The following UGT1A7 variants were observed in gnomAD, a reference collection of about 807,000 sequenced individuals.
The protein encoded by UGT1A7 is UDP glucuronosyltransferase family 1 member A7, also known as UDP-glucuronosyltransferase 1A7.
In UGT1A7, 33 loss-of-function variants were observed where a neutral mutation model predicts 45.6. The ratio of observed to expected loss-of-function variants is 0.72; its 90% CI spans 0.55 to 0.97. The LOEUF (loss-of-function observed/expected upper bound fraction) is 0.97. Among genes scored for constraint, UGT1A7 ranks in the 50% least tolerant of loss-of-function variants. UGT1A7 has a pLI of 0.00. For synonymous variants in UGT1A7, 274 were observed against 250.6 expected, an observed-to-expected ratio of 1.09 and a Z score of -0.88; for missense variants, 684 against 666.2, an observed-to-expected ratio of 1.03 and a Z score of -0.29.
chr2:233,683,825 T>C lies in UGT1A7; in HGVS notation c.855+1033T>C, dbSNP rs570191336. ...GTAGTCATATTACTAAACTCTCGTATTAGTATGTAAGGTGTATTAAGTATG... is the reference window on the plus strand; with the variant it reads ...GTAGTCATATTACTAAACTCTCGTACTAGTATGTAAGGTGTATTAAGTATG... On this transcript the variant is annotated intron_variant, in intron 1 of 4. Transcript: ENST00000373426. 5.9e-5 allele frequency among the ~76,000 whole-genome samples: 9 copies of C among 152,290 alleles called. No individual in the cohort carries two copies. In the South Asian group the frequency reaches 1.9e-3, roughly 32 times the overall value.
At chr2:233,754,500 G>A (rs945598675) in intron 1 of UGT1A7, 52 of 356,130 alleles carry the variant, frequency 1.5e-4, no homozygotes, top group Admixed American at 3.0e-4. Flanking sequence ...AAAAAAGTCC[G>A]CTATTCCTCC....
chr2:233,693,173 G>T, intron 1 of UGT1A7: 1 of 1,614,186 alleles, frequency 6.2e-7, no homozygotes, highest in Non-Finnish European at 8.5e-7. Flanking sequence ...TCATGAGATT[G>T]TAGTGGTGGT....
At chr2:233,740,151 C>T (rs534667918) in intron 1 of UGT1A7, among the ~76,000 whole-genome samples, 23 of 151,980 alleles carry the variant, frequency 1.5e-4, no homozygotes, top group South Asian at 1.2e-3. Context: ...TTCCTGAGGC[C>T]TCCCCAGTCA....
Position 233,768,459 on chromosome 2 carries a change from A to G in UGT1A7, c.1295+20A>G, listed in dbSNP as rs746261768. ...CAAAAGGTAAGAAAGAAGATACAGA[A>G]GAATACTTTGGTCATGGCATTCATG... On this transcript the variant is annotated intron_variant, in intron 4 of 4. Transcript: ENST00000373426. 1.1e-5 allele frequency: 17 copies of G among 1,609,762 alleles called. No homozygotes were observed. In the South Asian group the frequency reaches 1.9e-4, roughly 18 times the overall value.
chr2:233,718,896 G>T (rs763201473), intron 1 of UGT1A7: 1 of 1,614,046 alleles, frequency 6.2e-7, no homozygotes, highest in Non-Finnish European at 8.5e-7. Context: ...CCAGCCCTGG[G>T]CTGAGAGTGG....
intron 1 of UGT1A7, chr2:233,729,433 A>T (rs2077858164): frequency 6.2e-7 from 1 of 1,613,790 alleles, no homozygotes; most frequent in African/African-American, 1.3e-5. Flanking sequence ...GTACTTTGAA[A>T]CAGAACATTT....
chr2:233,724,364 G>A lies in UGT1A7; in HGVS notation c.855+41572G>A, dbSNP rs1172748596. Among the ~76,000 whole-genome samples the A allele has an allele frequency of 6.2e-5, 9 of 145,640 alleles. 1 individual carries two copies. Among genetic ancestry groups the A allele is most frequent in the Admixed American group, 2.7e-4 (4 of 14,670 alleles). ...GACCCCCCCCACCTCCCTCCCGGAC[G>A]GGGTGGCTGCCGGGCGGAGACGCTC... On this transcript the variant is annotated intron_variant, in intron 1 of 4. Coordinates refer to ENST00000373426, the MANE Select transcript of UGT1A7 (RefSeq NM_019077.3).
At chr2:233,683,924 T>C (rs533531080) in intron 1 of UGT1A7, among the ~76,000 whole-genome samples, 1 of 152,336 alleles carries the variant, frequency 6.6e-6, no homozygotes, top group African/African-American at 2.4e-5. Context: ...AGTTCCAAAA[T>C]ATTATTAATA....
intron 1 of UGT1A7, among the ~76,000 whole-genome samples, chr2:233,736,416 C>T (rs933216996): frequency 3.3e-5 from 5 of 152,094 alleles, no homozygotes; most frequent in Non-Finnish European, 4.4e-5. Context: ...TTCATCTAAC[C>T]TTTTTTCAAG....
intron 1 of UGT1A7, among the ~76,000 whole-genome samples, chr2:233,687,779 G>A (rs2074862793): frequency 6.6e-6 from 1 of 151,972 alleles, no homozygotes; most frequent in Admixed American, 6.6e-5. Context: ...GGTGGCATAT[G>A]CCTGTGGTCC....
intron 1 of UGT1A7, among the ~76,000 whole-genome samples, chr2:233,764,774 A>C (rs1698642300): frequency 6.6e-6 from 1 of 152,202 alleles, no homozygotes; most frequent in African/African-American, 2.4e-5. Context: ...GAAGGAGTTC[A>C]GAAAAACCAT....
At chr2:233,747,810 A>G (rs1693783178) in intron 1 of UGT1A7, 1 of 1,613,368 alleles carries the variant, frequency 6.2e-7, no homozygotes, top group South Asian at 1.1e-5. Flanking sequence ...GTTACTAACG[A>G]CCAATTCAGA....
chr2:233,693,627 G>A lies in UGT1A7; in HGVS notation c.855+10835G>A, dbSNP rs1434633397. On this transcript the variant is annotated intron_variant, in intron 1 of 4. Transcript: ENST00000373426. ...TCAGACCACATGACTTTTTCCCAAC[G>A]AGTGGCCAACTTCCTTGTTAATTTG... is the stretch of plus-strand genomic sequence containing the variant. 2.5e-6 allele frequency: 4 copies of A among 1,614,066 alleles called. No homozygotes were observed. The highest frequency in any genetic ancestry group is 1.7e-5 in the Admixed American group (1 of 60,010).
chr2:233,688,674 T>A (rs942176177), intron 1 of UGT1A7, among the ~76,000 whole-genome samples: 48 of 152,316 alleles, frequency 3.2e-4, no homozygotes, highest in African/African-American at 8.9e-4. Flanking sequence ...GGCTCTTTTT[T>A]AAAAAATTTA....
At chr2:233,693,300 T>G in intron 1 of UGT1A7, 1 of 1,614,182 alleles carries the variant, frequency 6.2e-7, no homozygotes, top group East Asian at 2.2e-5. Flanking sequence ...AACAATCACT[T>G]TGCTGAGCGA....
At chr2:233,747,988 G>A (rs1693831821) in intron 1 of UGT1A7, 3 of 1,613,354 alleles carry the variant, frequency 1.9e-6, no homozygotes, top group Non-Finnish European at 2.5e-6. Context: ...CTGTTCCGAG[G>A]GGACTTTGTG....
At chr2:233,759,131 C>G (rs889675688) in intron 1 of UGT1A7, among the ~76,000 whole-genome samples, 5 of 152,174 alleles carry the variant, frequency 3.3e-5, no homozygotes, top group African/African-American at 9.6e-5. Context: ...GCCTCTGGTA[C>G]GCAATGAAGG....
In UGT1A7 at chr2:233,767,157, C is replaced by T; in HGVS notation, c.979C>T (p.Pro327Ser). The T allele has an allele frequency of 3.1e-6, 5 of 1,614,012 alleles. No homozygotes were observed. Among genetic ancestry groups the T allele is most frequent in the Non-Finnish European group, 4.2e-6 (5 of 1,179,992 alleles). Reference protein sequence around the residue: ...MAIADALGKIPQTVLWRYTGT... With the variant: ...MAIADALGKISQTVLWRYTGT... ...AATTGCTGATGCTTTGGGCAAAATC[C>T]CTCAGACAGTAAGAAGATTCTATAC... The change falls in exon 2 of 5, where the codon CCT becomes TCT. Residue 327 changes from proline to serine, a missense_variant. Coordinates refer to ENST00000373426, the MANE Select transcript of UGT1A7 (RefSeq NM_019077.3).
intron 1 of UGT1A7, chr2:233,755,333 G>C (rs878855763): frequency 6.6e-6 from 3 of 455,150 alleles, no homozygotes; most frequent in South Asian, 1.9e-5. Context: ...CAGCACCCGC[G>C]CACAGGTCAG....
Sources: allele counts gnomAD v4.1 joint callset (sites outside exome capture counted in the v4.1 genomes callset), GRCh38; gene constraint gnomAD v4.1.1; transcripts MANE v1.5; gene names NCBI Gene and HGNC (gene_info 2026-07-23, HGNC 2026-07-21).